Variants in CHST11 observed in about 807,000 individuals in gnomAD.
The protein encoded by CHST11 is carbohydrate sulfotransferase 11, also known as C4S-1.
CHST11 carries 9 observed loss-of-function variants against 30.4 expected under a neutral mutation model. The ratio of observed to expected loss-of-function variants is 0.30; its 90% CI spans 0.18 to 0.52. The LOEUF (loss-of-function observed/expected upper bound fraction) is 0.52. CHST11 is among the 20% of genes least tolerant of loss of function. The pLI is 0.97. For missense variants in CHST11, 348 were observed against 460.6 expected, an observed-to-expected ratio of 0.76 and a Z score of 2.24; for synonymous variants, 152 against 187.8, an observed-to-expected ratio of 0.81 and a Z score of 1.56.
intron 1 of CHST11, among the ~76,000 whole-genome samples, chr12:104,551,830 G>A (rs2038408398): frequency 6.6e-6 from 1 of 152,080 alleles, no homozygotes; most frequent in Admixed American, 6.6e-5. Context: ...GGGCAGCTGT[G>A]GGGTGATTTG....
chr12:104,703,816 C>A (rs545111955), intron 2 of CHST11, among the ~76,000 whole-genome samples: 2 of 152,376 alleles, frequency 1.3e-5, no homozygotes, highest in East Asian at 3.9e-4. Flanking sequence ...TAACACCCTT[C>A]CTCCAGGTTT....
At chr12:104,756,511 A>G (rs1374155879) in intron 2 of CHST11, among the ~76,000 whole-genome samples, 1 of 126,676 alleles carries the variant, frequency 7.9e-6, no homozygotes, top group Non-Finnish European at 1.7e-5. Context: ...TTTATACATC[A>G]TGAGGTCTGG....
At chr12:104,474,448 C>G (rs548807248) in intron 1 of CHST11, among the ~76,000 whole-genome samples, 4 of 152,158 alleles carry the variant, frequency 2.6e-5, no homozygotes, top group Non-Finnish European at 5.9e-5. Flanking sequence ...AGGAGGGGAG[C>G]AGCTCAGGGC....
In CHST11 at chr12:104,676,964, G is replaced by A. The variant is rs1410936772; in HGVS notation, c.204+74973G>A. On this transcript the variant is annotated intron_variant, in intron 2 of 2. Coordinates refer to ENST00000303694, the MANE Select transcript of CHST11 (RefSeq NM_018413.6). The surrounding 1 kb of genome is among the most constrained non-coding windows in gnomAD (Gnocchi z 4.4). ...TGGTGTGGGCCCCATCCCAGCCCCTGCCCTTACTAGCCTGTGAGCCTAGGC... is the reference window on the plus strand; with the variant it reads ...TGGTGTGGGCCCCATCCCAGCCCCTACCCTTACTAGCCTGTGAGCCTAGGC... 6.6e-6 allele frequency among the ~76,000 whole-genome samples: 1 copy of A among 152,138 alleles called. No homozygotes were observed. Among genetic ancestry groups the A allele is most frequent in the Non-Finnish European group, 1.5e-5 (1 of 68,024 alleles).
chr12:104,473,579 G>T (rs937079550), intron 1 of CHST11, among the ~76,000 whole-genome samples: 1 of 152,194 alleles, frequency 6.6e-6, no homozygotes, highest in Non-Finnish European at 1.5e-5. Context: ...TTCACTGTGT[G>T]TGGGGTCTGA....
chr12:104,523,627 C>G lies in CHST11; in HGVS notation c.118+66098C>G, dbSNP rs571720349. Reference sequence around the variant, plus strand: ...GAAATGGAGTGCTCACATTCCTTTCCTTAGCTTTCTCAAGTGAAATAATAT... The same window carrying G: ...GAAATGGAGTGCTCACATTCCTTTCGTTAGCTTTCTCAAGTGAAATAATAT... On this transcript the variant is annotated intron_variant, in intron 1 of 2. Coordinates refer to ENST00000303694, the MANE Select transcript of CHST11 (RefSeq NM_018413.6). Among the ~76,000 whole-genome samples the G allele has an allele frequency of 2.7e-3, 404 of 152,218 alleles. 8 individuals are homozygous for G. Among genetic ancestry groups the G allele is most frequent in the Non-Finnish European group, 3.4e-4 (23 of 68,014 alleles).
intron 1 of CHST11, among the ~76,000 whole-genome samples, chr12:104,577,515 C>G (rs2038697125): frequency 1.3e-5 from 2 of 151,926 alleles, no homozygotes; most frequent in African/African-American, 4.8e-5. Flanking sequence ...GTAAGCATTC[C>G]CACTCTGTAC....
intron 1 of CHST11, among the ~76,000 whole-genome samples, chr12:104,457,808 C>A (rs913268773): frequency 4.1e-5 from 5 of 122,142 alleles, no homozygotes; most frequent in East Asian, 2.7e-4. Context: ...TTTTTTTCTT[C>A]TTCTTTTTTT....
intron 1 of CHST11, among the ~76,000 whole-genome samples, chr12:104,563,036 G>GT (rs2038528915): frequency 6.6e-6 from 1 of 151,916 alleles, no homozygotes; most frequent in Non-Finnish European, 1.5e-5. Context: ...TTTTGTTGTT[G>GT]TTGTTTGTTT....
intron 2 of CHST11, among the ~76,000 whole-genome samples, chr12:104,718,486 T>C (rs151200903): frequency 5.9e-5 from 9 of 152,332 alleles, no homozygotes; most frequent in African/African-American, 1.9e-4. Context: ...ACTCAGCTGT[T>C]CAGTGAGCTG....
chr12:104,669,687 G>A (rs547437050), intron 2 of CHST11, among the ~76,000 whole-genome samples: 4 of 152,278 alleles, frequency 2.6e-5, no homozygotes, highest in South Asian at 4.1e-4. Context: ...GTCAAGCTGC[G>A]CCCTGCAAAT....
chr12:104,704,901 G>T (rs970632314), intron 2 of CHST11, among the ~76,000 whole-genome samples: 4 of 152,194 alleles, frequency 2.6e-5, no homozygotes, highest in Middle Eastern at 3.4e-3. Flanking sequence ...TGAGAGGAGC[G>T]CACCCAGCTT....
chr12:104,492,810 G>A (rs1252642790), intron 1 of CHST11, among the ~76,000 whole-genome samples: 2 of 152,182 alleles, frequency 1.3e-5, no homozygotes, highest in African/African-American at 4.8e-5. Context: ...GAGGCGGGCA[G>A]ATCACGAGGT....
intron 1 of CHST11, among the ~76,000 whole-genome samples, chr12:104,510,485 A>C (rs1257572706): frequency 6.6e-6 from 1 of 152,222 alleles, no homozygotes; most frequent in African/African-American, 2.4e-5. Flanking sequence ...AGCTGCAGGA[A>C]ACACCATGCC....
intron 1 of CHST11, among the ~76,000 whole-genome samples, chr12:104,570,511 CCTCAGGAAGAAGCCTA>C (rs2038613680): frequency 6.6e-6 from 1 of 152,108 alleles, no homozygotes; most frequent in Admixed American, 6.6e-5. Flanking sequence ...CATGGCAGGA[CCTCAGGAAGAAGCCTA>C]CTCCTTTCCT....
intron 2 of CHST11, among the ~76,000 whole-genome samples, chr12:104,670,169 G>A (rs2039676673): frequency 2.0e-5 from 3 of 152,188 alleles, no homozygotes; most frequent in South Asian, 2.1e-4. Flanking sequence ...AGGAAGGGGG[G>A]TCCACCCTGG....
At chr12:104,705,617 G>T (rs1242420037) in intron 2 of CHST11, among the ~76,000 whole-genome samples, 1 of 152,172 alleles carries the variant, frequency 6.6e-6, no homozygotes, top group Non-Finnish European at 1.5e-5. Context: ...GGTAAGGGCT[G>T]CAGGTTAAAT....
chr12:104,751,452 G>A (rs988988660), intron 2 of CHST11, among the ~76,000 whole-genome samples: 3 of 152,148 alleles, frequency 2.0e-5, no homozygotes, highest in African/African-American at 7.2e-5. Context: ...TTCTCTTAGG[G>A]TGATGAATAC....
chr12:104,720,928 T>C (rs139449274), intron 2 of CHST11, among the ~76,000 whole-genome samples: 1 of 152,270 alleles, frequency 6.6e-6, no homozygotes, highest in Non-Finnish European at 1.5e-5. Context: ...GGAGCAAGGT[T>C]GAGAGGTCGT....
Sources: allele counts gnomAD v4.1 joint callset (sites outside exome capture counted in the v4.1 genomes callset), GRCh38; gene constraint gnomAD v4.1.1; non-coding constraint Gnocchi (gnomAD v3.1); transcripts MANE v1.5; gene names NCBI Gene and HGNC (gene_info 2026-07-23, HGNC 2026-07-21).